The following FUT9 variants were observed in gnomAD, a reference collection of about 807,000 sequenced individuals.
The protein encoded by FUT9 is fucosyltransferase 9, also known as 4-galactosyl-N-acetylglucosaminide 3-alpha-L-fucosyltransferase 9.
FUT9 carries 15 observed loss-of-function variants against 29.7 expected under a neutral mutation model. That is an observed-to-expected ratio of 0.51 (90% CI 0.34 to 0.78). FUT9 has a LOEUF of 0.78. Among genes scored for constraint, FUT9 ranks in the 30% least tolerant of loss-of-function variants. The pLI, the probability that FUT9 is intolerant of heterozygous loss-of-function variation, is 0.01. For missense variants in FUT9, 319 were observed against 425.4 expected (o/e 0.75, Z 2.20); for synonymous variants, 169 against 153.7 (o/e 1.10, Z -0.74).
chr6:96,201,019 GATT>G lies in FUT9; in HGVS notation c.-8-2126_-8-2124del, dbSNP rs199798342. Among the ~76,000 whole-genome samples the G allele has an allele frequency of 1.6e-3, 245 of 151,798 alleles. 3 individuals carry two copies. The East Asian group carries it at 0.019, about 12-fold the overall frequency. ...AAGTCATATCTTGCTTGGGTAACAA[GATT>G]ATAATTGACCTCATGAGCTAAGCTT... On this transcript the variant is annotated intron_variant, in intron 2 of 2. Coordinates refer to ENST00000302103, the MANE Select transcript of FUT9 (RefSeq NM_006581.4).
At chr6:96,092,750 T>A (rs1047007840) in intron 1 of FUT9, among the ~76,000 whole-genome samples, 9 of 152,078 alleles carry the variant, frequency 5.9e-5, no homozygotes, top group African/African-American at 2.2e-4. Flanking sequence ...TCATTTTTCT[T>A]TATAACATTT....
intron 2 of FUT9, among the ~76,000 whole-genome samples, chr6:96,143,226 T>C (rs1039087342): frequency 2.0e-5 from 3 of 152,188 alleles, no homozygotes; most frequent in African/African-American, 7.2e-5. Flanking sequence ...CACCCCTTTC[T>C]GCCATGTGAT....
At chr6:96,023,172 A>G (rs549147469) in intron 1 of FUT9, among the ~76,000 whole-genome samples, 87 of 152,112 alleles carry the variant, frequency 5.7e-4, no homozygotes, top group African/African-American at 2.0e-3. Context: ...AAATGTCCCA[A>G]TAAGGTGCTG....
Position 96,203,135 on chromosome 6 carries a change from C to T in FUT9, c.-8-13C>T. ...CACCGCTACCTCCCCTTCTGTCTTT[C>T]TCTATTTCGTAGGAAAAATTATGAC... On this transcript the variant is annotated splice_polypyrimidine_tract_variant and intron_variant, in intron 2 of 2. Transcript: ENST00000302103. 1 of 1,568,536 alleles carries T rather than the reference C, an allele frequency of 6.4e-7. No individual in the cohort carries two copies.
intron 1 of FUT9, among the ~76,000 whole-genome samples, chr6:96,083,162 T>C (rs2127951416): frequency 6.6e-6 from 1 of 152,188 alleles, no homozygotes; most frequent in Admixed American, 6.5e-5. Flanking sequence ...GTAGAAACTT[T>C]GTGTTTTCTT....
chr6:96,095,233 G>A (rs1044382102), intron 1 of FUT9, among the ~76,000 whole-genome samples: 1 of 151,964 alleles, frequency 6.6e-6, no homozygotes, highest in African/African-American at 2.4e-5. Context: ...CATCTCCTAT[G>A]TTTAAACCCA....
chr6:96,192,918 T>A (rs1450129843), intron 2 of FUT9, among the ~76,000 whole-genome samples: 5 of 151,820 alleles, frequency 3.3e-5, no homozygotes, highest in Non-Finnish European at 7.4e-5. Flanking sequence ...AACTATCTAA[T>A]CTTTGACAAA....
At chr6:96,147,311 C>T (rs1479677904) in intron 2 of FUT9, among the ~76,000 whole-genome samples, 2 of 151,974 alleles carry the variant, frequency 1.3e-5, no homozygotes, top group Non-Finnish European at 2.9e-5. Context: ...CAGGTGCACG[C>T]CACCATACCC....
rs758656974 is a variant in FUT9, at chr6:96,210,345, C to T, written c.*6110C>T. The T allele has an allele frequency of 6.0e-6, 1 of 166,888 alleles. No individual in the cohort carries two copies. Among genetic ancestry groups the T allele is most frequent in the Non-Finnish European group, 1.5e-5 (1 of 68,044 alleles). 10.3% of individuals were successfully genotyped at this position (166,888 alleles called of 1,614,324 possible). On this transcript the variant is annotated 3_prime_UTR_variant, in exon 3 of 3. Coordinates refer to ENST00000302103, the MANE Select transcript of FUT9 (RefSeq NM_006581.4). ...ACTTGGGGCAGGTTATTTATAGTCT[C>T]CAGACACTTTTTCCAGTTGCGAGTT...
rs1294562809 is a variant in FUT9, at chr6:96,208,080, GA to G, written c.*3846del. 1 of 166,770 alleles carries G rather than the reference GA, an allele frequency of 6.0e-6. No individual in the cohort carries two copies. Among genetic ancestry groups the G allele is most frequent in the Non-Finnish European group, 1.5e-5 (1 of 67,980 alleles). 10.3% of individuals were successfully genotyped at this position (166,770 alleles called of 1,614,324 possible). ...ATTGTGCAGAAATGTTTCTTATTTT[GA>G]GGGGCTTAGAAAGCTCAGCGCATTT... On this transcript the variant is annotated 3_prime_UTR_variant, in exon 3 of 3. Transcript: ENST00000302103.
At chr6:96,086,247 G>T (rs1241711783) in intron 1 of FUT9, among the ~76,000 whole-genome samples, 1 of 152,114 alleles carries the variant, frequency 6.6e-6, no homozygotes, top group Admixed American at 6.5e-5. Context: ...TTTGAAATTT[G>T]ACATGTGCAG....
chr6:96,021,899 G>A (rs879935306), intron 1 of FUT9, among the ~76,000 whole-genome samples: 2 of 151,910 alleles, frequency 1.3e-5, no homozygotes, highest in Admixed American at 6.6e-5. Context: ...AATAGCTTAC[G>A]CCCATGAAGG....
rs929518402 is a variant in FUT9 at position 96,180,612 on chromosome 6, A to C, written c.-8-22536A>C. ...TGTATCAATTCACCAACCTTTGGCT[A>C]TCCCCCTGCCACCAACACTCTCCTA... On this transcript the variant is annotated intron_variant, in intron 2 of 2. Transcript: ENST00000302103. 6.6e-5 allele frequency among the ~76,000 whole-genome samples: 10 copies of C among 152,118 alleles called. No individual in the cohort carries two copies. In the East Asian group the frequency reaches 1.9e-3, roughly 29 times the overall value.
chr6:96,078,773 TAAAC>T (rs1315807591), intron 1 of FUT9, among the ~76,000 whole-genome samples: 9 of 152,234 alleles, frequency 5.9e-5, no homozygotes, highest in Admixed American at 4.6e-4. Flanking sequence ...CATTCATAAT[TAAAC>T]AAAGGTCAAA....
intron 1 of FUT9, among the ~76,000 whole-genome samples, chr6:96,080,745 G>A (rs1445530173): frequency 6.6e-6 from 1 of 151,794 alleles, no homozygotes; most frequent in Non-Finnish European, 1.5e-5. Context: ...TGCCATTTGT[G>A]CCTAAATTTG....
chr6:96,142,079 C>T (rs544394106), intron 2 of FUT9, among the ~76,000 whole-genome samples: 10 of 152,104 alleles, frequency 6.6e-5, no homozygotes, highest in Non-Finnish European at 1.2e-4. Context: ...ATGTTTTGCT[C>T]GTGAATATTG....
intron 1 of FUT9, among the ~76,000 whole-genome samples, chr6:96,102,715 CA>C (rs1223237976): frequency 6.6e-6 from 1 of 151,980 alleles, no homozygotes; most frequent in Non-Finnish European, 1.5e-5. Context: ...TCAGCTTTTT[CA>C]GGTTGAAAAA....
chr6:96,205,281 C>T lies in FUT9; in HGVS notation c.*1046C>T, dbSNP rs924881546. 2 of 166,446 alleles carry T rather than the reference C, an allele frequency of 1.2e-5. No homozygotes were observed. The highest frequency in any genetic ancestry group is 2.1e-4 in the South Asian group (1 of 4,814). 10.3% of individuals were successfully genotyped at this position (166,446 alleles called of 1,614,324 possible). The stretch of plus-strand genomic sequence containing the variant: ...TATCATCAAGGTATTAAATATAAGA[C>T]GTTAAATATAATAAAGTGGGGATAT... On this transcript the variant is annotated 3_prime_UTR_variant, in exon 3 of 3. Coordinates refer to ENST00000302103, the MANE Select transcript of FUT9 (RefSeq NM_006581.4).
intron 2 of FUT9, among the ~76,000 whole-genome samples, chr6:96,126,863 T>C (rs1156337911): frequency 6.6e-6 from 1 of 152,156 alleles, no homozygotes; most frequent in East Asian, 1.9e-4. Flanking sequence ...AAAGTGATGA[T>C]TAAAATGGAA....
Sources: allele counts gnomAD v4.1 joint callset (sites outside exome capture counted in the v4.1 genomes callset), GRCh38; gene constraint gnomAD v4.1.1; transcripts MANE v1.5; gene names NCBI Gene and HGNC (gene_info 2026-07-23, HGNC 2026-07-21).